The following FAM168A variants were observed in gnomAD, a reference collection of about 807,000 sequenced individuals.
FAM168A encodes family with sequence similarity 168 member A.
A neutral mutation model predicts 28.5 loss-of-function variants in FAM168A; 3 were observed. The ratio of observed to expected loss-of-function variants is 0.11; its 90% CI spans 0.05 to 0.27. FAM168A has a LOEUF of 0.27. Among genes scored for constraint, FAM168A ranks in the 10% least tolerant of loss-of-function variants. The pLI is 1.00. For missense variants in FAM168A, 222 were observed against 311.5 expected, an observed-to-expected ratio of 0.71 and a Z score of 2.16; for synonymous variants, 122 against 124.2, an observed-to-expected ratio of 0.98 and a Z score of 0.12.
chr11:73,511,138 CAGAGCCA>C (rs1162267767), intron 1 of FAM168A, among the ~76,000 whole-genome samples: 1 of 151,350 alleles, frequency 6.6e-6, no homozygotes, highest in Non-Finnish European at 1.5e-5. Flanking sequence ...CCATTCAGCC[CAGAGCCA>C]AGGCCACATC....
intron 1 of FAM168A, among the ~76,000 whole-genome samples, chr11:73,570,645 G>C (rs1944074995): frequency 6.7e-6 from 1 of 150,042 alleles, no homozygotes; most frequent in African/African-American, 2.5e-5. Flanking sequence ...CAAGTGTAGA[G>C]ATCACTGGAG....
At chr11:73,522,954 A>G (rs1473787945) in intron 1 of FAM168A, among the ~76,000 whole-genome samples, 2 of 152,084 alleles carry the variant, frequency 1.3e-5, no homozygotes, top group Non-Finnish European at 2.9e-5. Context: ...TGGAGGTTGC[A>G]GTGAGCAGAG....
intron 1 of FAM168A, among the ~76,000 whole-genome samples, chr11:73,472,742 G>A (rs908977294): frequency 2.6e-4 from 40 of 152,166 alleles, no homozygotes; most frequent in African/African-American, 9.2e-4. Flanking sequence ...AAGCTGATAG[G>A]AATTGCTAAT....
intron 2 of FAM168A, among the ~76,000 whole-genome samples, chr11:73,465,945 G>A (rs144295434): frequency 2.0e-5 from 3 of 151,834 alleles, no homozygotes; most frequent in South Asian, 2.1e-4. Context: ...GTAAGTACTC[G>A]GTAAAGGGGC....
chr11:73,571,737 G>A (rs1944093028), intron 1 of FAM168A, among the ~76,000 whole-genome samples: 1 of 146,322 alleles, frequency 6.8e-6, no homozygotes. Flanking sequence ...CCCTCTGCCT[G>A]GCTGCCCAGT....
intron 1 of FAM168A, among the ~76,000 whole-genome samples, chr11:73,474,370 A>G (rs1867859465): frequency 6.6e-6 from 1 of 151,960 alleles, no homozygotes; most frequent in Non-Finnish European, 1.5e-5. Context: ...TGTGTTGTTC[A>G]GGCTGGACTG....
chr11:73,589,784 G>A (rs1311296906), intron 1 of FAM168A, among the ~76,000 whole-genome samples: 1 of 152,132 alleles, frequency 6.6e-6, no homozygotes, highest in Non-Finnish European at 1.5e-5. Context: ...AAAATTAGCT[G>A]GGCGTGGTGG....
At chr11:73,591,074 G>A (rs1477999179) in intron 1 of FAM168A, among the ~76,000 whole-genome samples, 1 of 152,060 alleles carries the variant, frequency 6.6e-6, no homozygotes, top group Non-Finnish European at 1.5e-5. Context: ...AACCTGGGAG[G>A]AAGAGTTTGC....
intron 1 of FAM168A, among the ~76,000 whole-genome samples, chr11:73,508,676 G>A (rs1855162537): frequency 6.6e-6 from 1 of 152,046 alleles, no homozygotes; most frequent in African/African-American, 2.4e-5. Flanking sequence ...GTGTGTGTGT[G>A]CACGCACACA....
intron 4 of FAM168A, among the ~76,000 whole-genome samples, chr11:73,413,480 G>A (rs942789842): frequency 1.3e-5 from 2 of 152,178 alleles, no homozygotes; most frequent in East Asian, 1.9e-4. Context: ...GTCATAGGAG[G>A]AGAAGCAGAT....
chr11:73,569,825 AAAATAAATAAATAAAT>A (rs111950693), intron 1 of FAM168A, among the ~76,000 whole-genome samples: 3 of 145,820 alleles, frequency 2.1e-5, no homozygotes, highest in African/African-American at 7.9e-5. Context: ...CTCCACCTCA[AAAATAAATAAATAAAT>A]AAATAAATAA....
chr11:73,523,409 C>T (rs1476304965), intron 1 of FAM168A, among the ~76,000 whole-genome samples: 1 of 151,950 alleles, frequency 6.6e-6, no homozygotes, highest in East Asian at 1.9e-4. Context: ...GATCCTCCTA[C>T]CTCTGCCTCC....
chr11:73,505,103 G>A (rs1159194894), intron 1 of FAM168A, among the ~76,000 whole-genome samples: 4 of 151,620 alleles, frequency 2.6e-5, no homozygotes, highest in African/African-American at 7.3e-5. Flanking sequence ...TGCACGTTCT[G>A]CACATGTATC....
intron 2 of FAM168A, among the ~76,000 whole-genome samples, chr11:73,443,764 G>A (rs1033601360): frequency 1.3e-5 from 2 of 152,088 alleles, no homozygotes; most frequent in African/African-American, 4.8e-5. Flanking sequence ...TCAAAGCCTG[G>A]GTTTTGATAT....
chr11:73,522,029 A>G (rs927903673), intron 1 of FAM168A, among the ~76,000 whole-genome samples: 4 of 152,166 alleles, frequency 2.6e-5, no homozygotes, highest in Non-Finnish European at 4.4e-5. Flanking sequence ...TAAAAGGAGG[A>G]AAAAAACCAA....
At chr11:73,461,945 AAGAGAGAG>A in intron 2 of FAM168A, among the ~76,000 whole-genome samples, 1 of 151,704 alleles carries the variant, frequency 6.6e-6, no homozygotes, top group Non-Finnish European at 1.5e-5. Flanking sequence ...CTATTATTTA[AAGAGAGAG>A]AGAGAGAGAA....
chr11:73,456,770 A>G (rs1349366749), intron 2 of FAM168A, among the ~76,000 whole-genome samples: 1 of 152,268 alleles, frequency 6.6e-6, no homozygotes, highest in Non-Finnish European at 1.5e-5. Flanking sequence ...GAACACTTGC[A>G]GTATGCAGAG....
intron 1 of FAM168A, among the ~76,000 whole-genome samples, chr11:73,581,406 G>A (rs527916515): frequency 6.6e-6 from 1 of 152,312 alleles, no homozygotes; most frequent in East Asian, 1.9e-4. Flanking sequence ...TCACATTTAT[G>A]AGCTTCTTTC....
At chr11:73,576,694 T>G (rs997129418) in intron 1 of FAM168A, among the ~76,000 whole-genome samples, 4 of 152,176 alleles carry the variant, frequency 2.6e-5, no homozygotes, top group Non-Finnish European at 5.9e-5. Flanking sequence ...CTCACCAGTT[T>G]TCTCCACATC....
Sources: allele counts gnomAD v4.1 joint callset (sites outside exome capture counted in the v4.1 genomes callset), GRCh38; gene constraint gnomAD v4.1.1; transcripts MANE v1.5; gene names NCBI Gene and HGNC (gene_info 2026-07-23, HGNC 2026-07-21).